LDLRAD4: variants seen among roughly 807,000 people sequenced by gnomAD.
LDLRAD4 encodes low-density lipoprotein receptor class A domain-containing protein 4.
Under a neutral mutation model 17.0 loss-of-function variants are expected in LDLRAD4, and 5 were observed. That is an observed-to-expected ratio of 0.29 (90% CI 0.15 to 0.62). LDLRAD4 has a LOEUF of 0.62. Among genes scored for constraint, LDLRAD4 ranks in the 20% least tolerant of loss-of-function variants. The pLI is 0.84. For synonymous variants in LDLRAD4, 168 were observed against 171.8 expected (o/e 0.98, Z 0.17); for missense variants, 340 against 424.7 (o/e 0.80, Z 1.75).
At chr18:13,421,698 C>T (rs888868128) in intron 2 of LDLRAD4, among the ~76,000 whole-genome samples, 4 of 152,216 alleles carry the variant, frequency 2.6e-5, no homozygotes, top group East Asian at 3.8e-4. Flanking sequence ...TCCCCCTGCC[C>T]CCCACCCACC....
intron 1 of LDLRAD4, among the ~76,000 whole-genome samples, chr18:13,313,829 G>C (rs1199842591): frequency 4.6e-5 from 7 of 152,126 alleles, no homozygotes. Context: ...TGTGCGGGGG[G>C]GTGCCCACGC....
chr18:13,410,711 G>A (rs1391681404), intron 2 of LDLRAD4, among the ~76,000 whole-genome samples: 2 of 152,164 alleles, frequency 1.3e-5, no homozygotes, highest in Non-Finnish European at 2.9e-5. Flanking sequence ...AACAATCTAA[G>A]AGATAAGGCC....
At chr18:13,612,260 C>T (rs1192962320) in intron 3 of LDLRAD4, 2 of 1,000,444 alleles carry the variant, frequency 2.0e-6, no homozygotes, top group Admixed American at 1.1e-4. Context: ...TGTGACACGT[C>T]CAGGTGTGAG....
At chr18:13,257,487 G>A (rs868120277) in intron 1 of LDLRAD4, among the ~76,000 whole-genome samples, 2 of 152,200 alleles carry the variant, frequency 1.3e-5, no homozygotes, top group Non-Finnish European at 2.9e-5. Context: ...GCAGGGATGG[G>A]TTTCCCTGAC....
At chr18:13,604,931 G>A (rs929996073) in intron 3 of LDLRAD4, among the ~76,000 whole-genome samples, 8 of 152,120 alleles carry the variant, frequency 5.3e-5, no homozygotes, top group African/African-American at 1.9e-4. Context: ...GCAGGAGTAG[G>A]TGCTGCTTCC....
intron 2 of LDLRAD4, among the ~76,000 whole-genome samples, chr18:13,422,678 G>A (rs2089598431): frequency 6.6e-6 from 1 of 152,076 alleles, no homozygotes; most frequent in South Asian, 2.1e-4. Flanking sequence ...AGCCTGGGTG[G>A]CAGAGTGAGA....
At chr18:13,384,106 C>T (rs2085604547) in intron 1 of LDLRAD4, among the ~76,000 whole-genome samples, 1 of 152,300 alleles carries the variant, frequency 6.6e-6, no homozygotes, top group Admixed American at 6.5e-5. Context: ...AGCTATTACA[C>T]ACCTGTGTCC....
chr18:13,505,176 C>T (rs759943393), intron 3 of LDLRAD4, among the ~76,000 whole-genome samples: 3 of 152,188 alleles, frequency 2.0e-5, no homozygotes, highest in Non-Finnish European at 4.4e-5. Flanking sequence ...TACCCACAAG[C>T]GAAGCCTCAG....
chr18:13,294,563 G>C (rs2046161908), intron 1 of LDLRAD4, among the ~76,000 whole-genome samples: 1 of 152,210 alleles, frequency 6.6e-6, no homozygotes, highest in Admixed American at 6.5e-5. Flanking sequence ...AAGTAGATGT[G>C]AGAGGTCACG....
intron 1 of LDLRAD4, among the ~76,000 whole-genome samples, chr18:13,247,499 G>A (rs1447441248): frequency 6.6e-6 from 1 of 152,114 alleles, no homozygotes; most frequent in African/African-American, 2.4e-5. Flanking sequence ...TTTATTCTTT[G>A]TTCTTTAAAT....
intron 4 of LDLRAD4, among the ~76,000 whole-genome samples, chr18:13,637,266 CTAA>C (rs2042162274): frequency 6.6e-6 from 1 of 151,914 alleles, no homozygotes; most frequent in African/African-American, 2.4e-5. Context: ...CCATGCTGGG[CTAA>C]TGTTTTAATA....
intron 2 of LDLRAD4, among the ~76,000 whole-genome samples, chr18:13,433,142 T>C (rs2090449257): frequency 6.6e-6 from 1 of 152,236 alleles, no homozygotes; most frequent in Non-Finnish European, 1.5e-5. Flanking sequence ...TTTATGGTAA[T>C]TTATGCTAAT....
chr18:13,439,616 C>T lies in LDLRAD4; in HGVS notation c.181+1232C>T, dbSNP rs57419391. Among the ~76,000 whole-genome samples, 1,100 of 152,338 alleles carry T rather than the reference C, an allele frequency of 7.2e-3. 18 individuals are homozygous for T. Among genetic ancestry groups the T allele is most frequent in the African/African-American group, 0.025 (1,024 of 41,582 alleles). On this transcript the variant is annotated intron_variant, in intron 3 of 5. Transcript: ENST00000359446. ...TCTGTGTAATACAGCTTGCCTCTCA[C>T]CTGGAGTCATCTGGCCTGCAGGCCC...
intron 3 of LDLRAD4, among the ~76,000 whole-genome samples, chr18:13,481,885 T>C (rs926397345): frequency 1.3e-5 from 2 of 150,888 alleles, no homozygotes; most frequent in African/African-American, 4.9e-5. Flanking sequence ...GAGAGGTGAG[T>C]GGAGTTTGCT....
chr18:13,580,503 G>A (rs546628454), intron 3 of LDLRAD4, among the ~76,000 whole-genome samples: 9 of 152,328 alleles, frequency 5.9e-5, no homozygotes, highest in East Asian at 1.9e-4. Flanking sequence ...GATGAGTGTC[G>A]GCTGCTGCTG....
At chr18:13,324,670 C>T (rs2081426119) in intron 1 of LDLRAD4, among the ~76,000 whole-genome samples, 1 of 152,074 alleles carries the variant, frequency 6.6e-6, no homozygotes, top group African/African-American at 2.4e-5. Context: ...ACCTCCAGTC[C>T]CTGTCTGCTG....
intron 1 of LDLRAD4, among the ~76,000 whole-genome samples, chr18:13,330,729 C>T (rs893960541): frequency 6.6e-5 from 10 of 152,234 alleles, no homozygotes; most frequent in East Asian, 1.9e-4. Context: ...GGTGGCAGCC[C>T]GTAGATAGCT....
At chr18:13,542,978 T>G (rs903069298) in intron 3 of LDLRAD4, 1 of 152,206 alleles carries the variant, frequency 6.6e-6, no homozygotes, top group African/African-American at 2.4e-5. Flanking sequence ...ACTCTCTGGA[T>G]AAACGTGGTA....
intron 2 of LDLRAD4, among the ~76,000 whole-genome samples, chr18:13,405,455 C>G (rs1176950146): frequency 6.6e-6 from 1 of 152,088 alleles, no homozygotes; most frequent in Admixed American, 6.5e-5. Context: ...CGGGGTCTCA[C>G]TCTGTCATCC....
Sources: gnomAD v4.1 joint callset for allele counts (sites outside exome capture counted in the v4.1 genomes callset) on GRCh38, gnomAD v4.1.1 for gene constraint, MANE v1.5 for transcripts, NCBI Gene and HGNC (gene_info 2026-07-23, HGNC 2026-07-21) for gene names.